ETV1: variants seen among roughly 807,000 people sequenced by gnomAD.
ETV1 encodes ETS variant transcription factor 1.
Under a neutral mutation model 62.3 loss-of-function variants are expected in ETV1, and 27 were observed. The observed-to-expected ratio is 0.43, with a 90% CI of 0.32 to 0.60. The LOEUF is 0.60. Among genes scored for constraint, ETV1 ranks in the 20% least tolerant of loss-of-function variants. The pLI is 0.06. For synonymous variants in ETV1, 222 were observed against 199.6 expected (o/e 1.11, Z -0.94); for missense variants, 605 against 605.8 (o/e 1.00, Z 0.01).
At chr7:13,956,766 T>G (rs900840315) in intron 6 of ETV1, among the ~76,000 whole-genome samples, 1 of 152,220 alleles carries the variant, frequency 6.6e-6, no homozygotes, top group Non-Finnish European at 1.5e-5. Context: ...AATGCAAGTC[T>G]TTATGTTATA....
intron 6 of ETV1, among the ~76,000 whole-genome samples, chr7:13,957,333 G>A (rs113427115): frequency 2.6e-5 from 4 of 152,032 alleles, no homozygotes; most frequent in Non-Finnish European, 4.4e-5. Context: ...TGATTTGCCC[G>A]CCTCAGCCTC....
At chr7:13,935,632 C>A (rs1187018136) in intron 8 of ETV1, 76 bp downstream of exon 8, 8 of 1,237,660 alleles carry the variant, frequency 6.5e-6, no homozygotes, top group African/African-American at 1.5e-5. Flanking sequence ...CTACTCTAGG[C>A]CTTCAGAATT....
At chr7:13,901,317 T>C (rs1385782759) in intron 12 of ETV1, among the ~76,000 whole-genome samples, 1 of 152,226 alleles carries the variant, frequency 6.6e-6, no homozygotes, top group African/African-American at 2.4e-5. Flanking sequence ...GTTTGCATTT[T>C]AAACCAGGCG....
intron 9 of ETV1, among the ~76,000 whole-genome samples, chr7:13,927,935 A>C (rs1785619292): frequency 6.6e-6 from 1 of 152,224 alleles, no homozygotes; most frequent in African/African-American, 2.4e-5. Flanking sequence ...ATATAATTTA[A>C]AAGGGAGAAT....
intron 5 of ETV1, among the ~76,000 whole-genome samples, chr7:13,977,939 T>C (rs1781615778): frequency 6.6e-6 from 1 of 152,194 alleles, no homozygotes; most frequent in African/African-American, 2.4e-5. Context: ...TAGAAACGTC[T>C]GCTGGTATGT....
intron 13 of ETV1, among the ~76,000 whole-genome samples, chr7:13,896,761 A>AAAGAAAG (rs2128400706): frequency 6.7e-6 from 1 of 149,750 alleles, no homozygotes; most frequent in East Asian, 2.0e-4. Flanking sequence ...AGAAAGAAAG[A>AAAGAAAG]AAGAAAGAAA....
At chr7:13,916,698 G>A (rs898265785) in intron 9 of ETV1, among the ~76,000 whole-genome samples, 2 of 152,156 alleles carry the variant, frequency 1.3e-5, no homozygotes, top group African/African-American at 4.8e-5. Context: ...GGAGGCCGAG[G>A]TGGGAGGATT....
chr7:13,910,288 A>C (rs955892852), intron 10 of ETV1, among the ~76,000 whole-genome samples: 1 of 149,466 alleles, frequency 6.7e-6, no homozygotes, highest in African/African-American at 2.5e-5. Context: ...AAAATAAATC[A>C]ACAGCTTTTC....
intron 5 of ETV1, among the ~76,000 whole-genome samples, chr7:13,982,117 T>A (rs1396810240): frequency 6.6e-6 from 1 of 152,132 alleles, no homozygotes; most frequent in African/African-American, 2.4e-5. Flanking sequence ...ACTGTAACAG[T>A]AAAGTTTTAG....
intron 11 of ETV1, among the ~76,000 whole-genome samples, chr7:13,908,638 A>G (rs1252028809): frequency 6.6e-6 from 1 of 152,160 alleles, no homozygotes; most frequent in Admixed American, 6.5e-5. Context: ...AGGATAAAGA[A>G]GCAGATCTTC....
intron 11 of ETV1, among the ~76,000 whole-genome samples, chr7:13,908,514 G>A (rs1433571063): frequency 2.0e-5 from 3 of 151,922 alleles, no homozygotes; most frequent in African/African-American, 7.3e-5. Flanking sequence ...TAAATAGTAC[G>A]GCTCACCCCT....
intron 6 of ETV1, among the ~76,000 whole-genome samples, chr7:13,943,791 T>G (rs114154583): frequency 6.6e-6 from 1 of 152,220 alleles, no homozygotes; most frequent in Non-Finnish European, 1.5e-5. Flanking sequence ...GGTGGTTATA[T>G]GGATATATAC....
chr7:13,911,370 G>A, intron 9 of ETV1, 63 bp from the exon 10 acceptor site: 6 of 1,111,192 alleles, frequency 5.4e-6, no homozygotes, highest in South Asian at 2.6e-5. Flanking sequence ...GTTATCAATG[G>A]ACAGGGTGCA....
intron 6 of ETV1, among the ~76,000 whole-genome samples, chr7:13,976,469 G>A (rs1193154040): frequency 2.0e-5 from 3 of 152,056 alleles, no homozygotes; most frequent in Admixed American, 6.6e-5. Context: ...AACCCTCTAC[G>A]CCTGAGAAAT....
At chr7:13,989,736 G>A (rs936143772), upstream of ETV1, 16 of 397,184 alleles carry the variant, frequency 4.0e-5, no homozygotes, top group Non-Finnish European at 6.6e-5. Flanking sequence ...CTGATGGATC[G>A]CTGCCTCCCA....
chr7:13,947,790 C>T (rs1407395553), intron 6 of ETV1, among the ~76,000 whole-genome samples: 1 of 152,180 alleles, frequency 6.6e-6, no homozygotes, highest in Admixed American at 6.5e-5. Context: ...ATGCCCCAGA[C>T]ACTACGGCAG....
At chr7:13,922,702 T>C (rs1196378791) in intron 9 of ETV1, among the ~76,000 whole-genome samples, 1 of 152,246 alleles carries the variant, frequency 6.6e-6, no homozygotes, top group Non-Finnish European at 1.5e-5. Context: ...ATGGTAAGCC[T>C]TGAATATTCA....
At position 13,977,417 on chromosome 7, in the gene ETV1, C is replaced by T; in HGVS notation, c.235+10G>A. ...AGAAAAATACAAGAGATGAGTCATACTATACTTACAACTTTCAGCCTGATA... is the reference window on the plus strand; with the variant it reads ...AGAAAAATACAAGAGATGAGTCATATTATACTTACAACTTTCAGCCTGATA... On this transcript the variant is annotated intron_variant, in intron 6 of 13. Coordinates refer to ENST00000430479, the MANE Select transcript of ETV1 (RefSeq NM_004956.5). 2 of 1,512,534 alleles carry T rather than the reference C, an allele frequency of 1.3e-6. No homozygotes were observed. The highest frequency in any genetic ancestry group is 1.8e-6 in the Non-Finnish European group (2 of 1,113,310). The allele number at this position is 1,512,534 out of a possible 1,614,324, so 93.7% of individuals were successfully genotyped here. A position where few individuals can be genotyped will look rare whatever the true frequency, so the allele number is the denominator to read the frequency against.
At chr7:13,906,928 T>G (rs1168446375) in intron 11 of ETV1, among the ~76,000 whole-genome samples, 1 of 152,108 alleles carries the variant, frequency 6.6e-6, no homozygotes, top group South Asian at 2.1e-4. Context: ...CCATCGTATC[T>G]AATCAGACTT....
Sources: gnomAD v4.1 joint callset for allele counts (sites outside exome capture counted in the v4.1 genomes callset) on GRCh38, gnomAD v4.1.1 for gene constraint, MANE v1.5 for transcripts, NCBI Gene and HGNC (gene_info 2026-07-23, HGNC 2026-07-21) for gene names.